The following B3GALT1 variants were observed in gnomAD, a reference collection of about 807,000 sequenced individuals.
B3GALT1 encodes beta-1,3-galactosyltransferase 1, also known as UDP-Gal:betaGlcNAc beta 1,3-galactosyltransferase, polypeptide 1.
In B3GALT1, 10 loss-of-function variants were observed where a neutral mutation model predicts 23.2. The ratio of observed to expected loss-of-function variants is 0.43; its 90% CI spans 0.27 to 0.73. The LOEUF (loss-of-function observed/expected upper bound fraction) is 0.73. Ranked by LOEUF, B3GALT1 falls within the 30% of genes least tolerant of loss-of-function variation. The pLI, the probability that B3GALT1 is intolerant of heterozygous loss-of-function variation, is 0.21. For synonymous variants in B3GALT1, 156 were observed against 141.5 expected (o/e 1.10, Z -0.73); for missense variants, 299 against 405.4 (o/e 0.74, Z 2.25).
At chr2:167,596,810 A>G (rs1463641598) in intron 2 of B3GALT1, among the ~76,000 whole-genome samples, 1 of 152,226 alleles carries the variant, frequency 6.6e-6, no homozygotes, top group Admixed American at 6.5e-5. Flanking sequence ...GGGAGCCCTC[A>G]ATGTAGTGAC....
At chr2:167,823,113 AC>A (rs543623854) in intron 4 of B3GALT1, among the ~76,000 whole-genome samples, 1 of 149,760 alleles carries the variant, frequency 6.7e-6, no homozygotes, top group Admixed American at 6.8e-5. Flanking sequence ...GAGCTCTGAG[AC>A]CCCCCCAGGT....
At position 167,870,624 on chromosome 2, in the gene B3GALT1, T is replaced by C. The variant is rs1484076236; in HGVS notation, c.*604T>C. On this transcript the variant is annotated 3_prime_UTR_variant, in exon 5 of 5. Coordinates refer to ENST00000392690, the MANE Select transcript of B3GALT1 (RefSeq NM_020981.4). Reference sequence around the variant, plus strand: ...ATTCTATGTGTTTGGAAGACAACTCTGCTTGCTCATCCAAGGATTAAATCT... The same window carrying C: ...ATTCTATGTGTTTGGAAGACAACTCCGCTTGCTCATCCAAGGATTAAATCT... The C allele has an allele frequency of 1.2e-5, 2 of 167,086 alleles. No homozygotes were observed. Among genetic ancestry groups the C allele is most frequent in the Non-Finnish European group, 2.9e-5 (2 of 68,120 alleles). The allele number at this position is 167,086 out of a possible 1,614,324, so 10.4% of individuals were successfully genotyped here. A position where few individuals can be genotyped will look rare whatever the true frequency, so the allele number is the denominator to read the frequency against.
At chr2:167,844,045 T>C (rs1335142024) in intron 4 of B3GALT1, among the ~76,000 whole-genome samples, 1 of 152,182 alleles carries the variant, frequency 6.6e-6, no homozygotes, top group Non-Finnish European at 1.5e-5. Flanking sequence ...TTAGACGAAA[T>C]ATCTAATAAC....
intron 3 of B3GALT1, among the ~76,000 whole-genome samples, chr2:167,736,221 T>C (rs1687489813): frequency 2.6e-5 from 4 of 152,312 alleles, no homozygotes; most frequent in African/African-American, 9.6e-5. Context: ...AAATCCAACA[T>C]CAAAATTATA....
At chr2:167,311,536 T>C (rs1200799415) in intron 1 of B3GALT1, among the ~76,000 whole-genome samples, 1 of 152,030 alleles carries the variant, frequency 6.6e-6, no homozygotes, top group African/African-American at 2.4e-5. Context: ...GCACCAGGAC[T>C]TAAAATATTT....
At chr2:167,399,449 T>A (rs1265779219) in intron 1 of B3GALT1, among the ~76,000 whole-genome samples, 2 of 152,150 alleles carry the variant, frequency 1.3e-5, no homozygotes, top group African/African-American at 4.8e-5. Flanking sequence ...AAAGTGTATT[T>A]TTAGCATCAA....
intron 3 of B3GALT1, among the ~76,000 whole-genome samples, chr2:167,786,246 G>A (rs1248715130): frequency 6.6e-6 from 1 of 152,142 alleles, no homozygotes; most frequent in Non-Finnish European, 1.5e-5. Flanking sequence ...TTCACAACAG[G>A]GAATCTCAGA....
intron 3 of B3GALT1, among the ~76,000 whole-genome samples, chr2:167,811,745 C>T (rs780109090): frequency 2.6e-5 from 4 of 152,158 alleles, no homozygotes; most frequent in Non-Finnish European, 5.9e-5. Flanking sequence ...CCCTGTTATG[C>T]CTCTCTGGTC....
intron 1 of B3GALT1, among the ~76,000 whole-genome samples, chr2:167,404,115 A>C (rs758206543): frequency 1.3e-5 from 2 of 152,058 alleles, no homozygotes; most frequent in African/African-American, 2.4e-5. Flanking sequence ...AGCTGCTTCC[A>C]CTCATGGTGG....
intron 3 of B3GALT1, among the ~76,000 whole-genome samples, chr2:167,745,363 T>C (rs1687637586): frequency 6.6e-6 from 1 of 152,222 alleles, no homozygotes; most frequent in South Asian, 2.1e-4. Context: ...CACTGTTTAT[T>C]ATGATTTGTT....
In B3GALT1 at chr2:167,872,773, C is replaced by G. The variant is rs1690378000; in HGVS notation, c.*2753C>G. On this transcript the variant is annotated 3_prime_UTR_variant, in exon 5 of 5. Transcript: ENST00000392690. ...AGAACTATTTCCTTACTTTTTTATG[C>G]TAGGTAATGCCCATGTGACAAACAT... is the stretch of plus-strand genomic sequence containing the variant. The G allele has an allele frequency of 6.6e-6, 1 of 152,124 alleles. No individual in the cohort carries two copies. Among genetic ancestry groups the G allele is most frequent in the Non-Finnish European group, 1.5e-5 (1 of 68,032 alleles). The allele number at this position is 152,124 out of a possible 1,614,324, so 9.4% of individuals were successfully genotyped here. A position where few individuals can be genotyped will look rare whatever the true frequency, so the allele number is the denominator to read the frequency against.
intron 2 of B3GALT1, among the ~76,000 whole-genome samples, chr2:167,536,952 C>T (rs1683439539): frequency 6.6e-6 from 1 of 152,106 alleles, no homozygotes; most frequent in Admixed American, 6.6e-5. Flanking sequence ...TTGCTTCTTG[C>T]CCAACATGGG....
In B3GALT1 at chr2:167,821,745, T is replaced by TGGG. The variant is rs1689111844; in HGVS notation, c.-230+2952_-230+2953insGGG. Among the ~76,000 whole-genome samples the TGGG allele has an allele frequency of 4.7e-5, 4 of 84,616 alleles. 1 individual carries two copies. The highest frequency in any genetic ancestry group is 9.6e-5 in the Non-Finnish European group (4 of 41,734). 55.5% of individuals were successfully genotyped at this position (84,616 alleles called of 152,430 possible). A position where few individuals can be genotyped will look rare whatever the true frequency, so the allele number is the denominator to read the frequency against. On this transcript the variant is annotated intron_variant, in intron 4 of 4. Coordinates refer to ENST00000392690, the MANE Select transcript of B3GALT1 (RefSeq NM_020981.4). ...CCACTGCACCCAGCCTAGGAAGGTATTTTTTTTATCCTTGACACTGCTCAG... is the reference window on the plus strand; with the variant it reads ...CCACTGCACCCAGCCTAGGAAGGTATGGGTTTTTTTATCCTTGACACTGCTCAG...
At chr2:167,769,395 G>A (rs1219669547) in intron 3 of B3GALT1, among the ~76,000 whole-genome samples, 1 of 152,066 alleles carries the variant, frequency 6.6e-6, no homozygotes, top group Non-Finnish European at 1.5e-5. Context: ...TCGGTACTTT[G>A]AATTTTTATT....
At chr2:167,512,728 A>G (rs1048997632) in intron 2 of B3GALT1, among the ~76,000 whole-genome samples, 1 of 146,534 alleles carries the variant, frequency 6.8e-6, no homozygotes, top group South Asian at 2.1e-4. Flanking sequence ...CCTACAGCTC[A>G]TGGGCTCAAA....
chr2:167,475,342 A>G lies in B3GALT1; in HGVS notation c.-510-14835A>G, dbSNP rs1200954646. ...TCAAGGTATCACTGTGCTTGTGTTC[A>G]AGTAACATTTATTTTACTTAATAAT... On this transcript the variant is annotated intron_variant, in intron 1 of 4. Transcript: ENST00000392690. Among the ~76,000 whole-genome samples, 3 of 152,258 alleles carry G rather than the reference A, an allele frequency of 2.0e-5. No homozygotes were observed. In the East Asian group the frequency reaches 5.8e-4, roughly 29 times the overall value.
intron 4 of B3GALT1, among the ~76,000 whole-genome samples, chr2:167,848,316 T>G (rs1426330616): frequency 6.6e-6 from 1 of 152,100 alleles, no homozygotes; most frequent in African/African-American, 2.4e-5. Context: ...CCTATATCCT[T>G]CATGAACATA....
chr2:167,359,672 A>G (rs1052622365), intron 1 of B3GALT1, among the ~76,000 whole-genome samples: 1 of 152,144 alleles, frequency 6.6e-6, no homozygotes, highest in African/African-American at 2.4e-5. Context: ...TCTTTTGTCC[A>G]TTCAAGAATG....
At chr2:167,556,984 A>G (rs985760186) in intron 2 of B3GALT1, among the ~76,000 whole-genome samples, 1 of 152,174 alleles carries the variant, frequency 6.6e-6, no homozygotes, top group African/African-American at 2.4e-5. Flanking sequence ...GGTCCAGCCA[A>G]AGTTCATTTA....
Sources: gnomAD v4.1 joint callset for allele counts (sites outside exome capture counted in the v4.1 genomes callset) on GRCh38, gnomAD v4.1.1 for gene constraint, MANE v1.5 for transcripts, NCBI Gene and HGNC (gene_info 2026-07-23, HGNC 2026-07-21) for gene names.